DPYD: variants seen among roughly 807,000 people sequenced by gnomAD.
DPYD encodes the protein dihydropyrimidine dehydrogenase [NADP(+)].
Under a neutral mutation model 116.2 loss-of-function variants are expected in DPYD, and 109 were observed. The observed-to-expected ratio is 0.94, with a 90% CI of 0.80 to 1.10. DPYD has a LOEUF of 1.10. Ranked by LOEUF, DPYD falls within the 50% of genes least tolerant of loss-of-function variation. The pLI, the probability that DPYD is intolerant of heterozygous loss-of-function variation, is 0.00. For missense variants in DPYD, 1,302 were observed against 1,254.5 expected (o/e 1.04, Z -0.57); for synonymous variants, 440 against 432.0 (o/e 1.02, Z -0.23).
chr1:97,559,395 A>T (rs1651975658), intron 11 of DPYD, among the ~76,000 whole-genome samples: 1 of 152,150 alleles, frequency 6.6e-6, no homozygotes, highest in Admixed American at 6.5e-5. Context: ...ATCAAATGGA[A>T]AAGATTCCCT....
At chr1:97,609,694 A>G (rs1320093575) in intron 8 of DPYD, among the ~76,000 whole-genome samples, 1 of 152,022 alleles carries the variant, frequency 6.6e-6, no homozygotes, top group Non-Finnish European at 1.5e-5. Flanking sequence ...ATTTCATAAA[A>G]TATACTTTAG....
intron 19 of DPYD, among the ~76,000 whole-genome samples, chr1:97,233,730 A>G (rs1661727506): frequency 6.6e-6 from 1 of 152,026 alleles, no homozygotes; most frequent in African/African-American, 2.4e-5. Flanking sequence ...AATCGCAGGA[A>G]ACTCACCACT....
intron 13 of DPYD, among the ~76,000 whole-genome samples, chr1:97,505,567 G>C (rs1029558307): frequency 7.2e-5 from 11 of 151,850 alleles, no homozygotes; most frequent in Middle Eastern, 3.4e-3. Context: ...TTTAGTCTAA[G>C]AATTCCTGTG....
chr1:97,549,757 G>A lies in DPYD; in HGVS notation c.1340-13C>T, dbSNP rs1332570508. Reference sequence around the variant, plus strand: ...AAGGCTTCTTTTACTGAAAAAACAAGTGAAAAACAATAGACAATCACTAGT... The same window carrying A: ...AAGGCTTCTTTTACTGAAAAAACAAATGAAAAACAATAGACAATCACTAGT... On this transcript the variant is annotated splice_polypyrimidine_tract_variant and intron_variant, in intron 11 of 22. Coordinates refer to ENST00000370192, the MANE Select transcript of DPYD (RefSeq NM_000110.4). The A allele has an allele frequency of 1.2e-5, 20 of 1,610,886 alleles. No individual in the cohort carries two copies. The highest frequency in any genetic ancestry group is 1.5e-5 in the Non-Finnish European group (18 of 1,177,970).
In DPYD at chr1:97,671,203, TAATC is replaced by T. The variant is rs199796034; in HGVS notation, c.850+7888_850+7891del. Among the ~76,000 whole-genome samples the T allele has an allele frequency of 6.3e-3, 962 of 152,130 alleles. 10 individuals are homozygous for T. Among genetic ancestry groups the T allele is most frequent in the African/African-American group, 0.022 (908 of 41,508 alleles). On this transcript the variant is annotated intron_variant, in intron 8 of 22. Transcript: ENST00000370192. Reference sequence around the variant, plus strand: ...AATAGGGTTAATTAGAGTTAATAATTAATCAATACTTCAACAGATATTTATTGAT... The same window carrying T: ...AATAGGGTTAATTAGAGTTAATAATTAATACTTCAACAGATATTTATTGAT...
intron 18 of DPYD, among the ~76,000 whole-genome samples, chr1:97,266,134 C>T (rs1664212324): frequency 6.6e-6 from 1 of 152,090 alleles, no homozygotes; most frequent in Admixed American, 6.5e-5. Context: ...ATAATTAGCT[C>T]ATAATATTTT....
chr1:97,753,958 A>G (rs1280043004), intron 3 of DPYD, among the ~76,000 whole-genome samples: 1 of 152,192 alleles, frequency 6.6e-6, no homozygotes, highest in Non-Finnish European at 1.5e-5. Flanking sequence ...AATTGTCCCC[A>G]TTAAAACTAT....
intron 20 of DPYD, among the ~76,000 whole-genome samples, chr1:97,163,861 C>A (rs934931476): frequency 5.3e-5 from 8 of 152,108 alleles, no homozygotes; most frequent in African/African-American, 1.9e-4. Flanking sequence ...AACCACAGCA[C>A]CCTCTTTTAG....
chr1:97,649,796 C>T (rs533860005), intron 8 of DPYD, among the ~76,000 whole-genome samples: 5 of 152,060 alleles, frequency 3.3e-5, no homozygotes, highest in East Asian at 1.9e-4. Context: ...TAAGCCATGA[C>T]CATTCCTGGA....
intron 13 of DPYD, among the ~76,000 whole-genome samples, chr1:97,468,450 C>A (rs1399654619): frequency 6.6e-6 from 1 of 152,088 alleles, no homozygotes; most frequent in Non-Finnish European, 1.5e-5. Flanking sequence ...CTTGTCCTTT[C>A]CATCATGTGA....
chr1:97,102,894 A>G (rs1650851429), intron 20 of DPYD, among the ~76,000 whole-genome samples: 1 of 152,048 alleles, frequency 6.6e-6, no homozygotes. Context: ...TTTGAACTCA[A>G]TAAAATGACC....
At chr1:97,256,384 AC>A (rs1663467130) in intron 18 of DPYD, among the ~76,000 whole-genome samples, 1 of 151,826 alleles carries the variant, frequency 6.6e-6, no homozygotes, top group Non-Finnish European at 1.5e-5. Flanking sequence ...TGTAGCTTCC[AC>A]AATTCCCATG....
chr1:97,781,991 G>T (rs780836486), intron 3 of DPYD, among the ~76,000 whole-genome samples: 1 of 152,144 alleles, frequency 6.6e-6, no homozygotes, highest in South Asian at 2.1e-4. Flanking sequence ...TCACTTTAGC[G>T]TCAGGCCTGT....
intron 16 of DPYD, among the ~76,000 whole-genome samples, chr1:97,363,012 G>A (rs56103838): frequency 0.055 from 8,326 of 152,028 alleles, 326 homozygotes; most frequent in East Asian, 0.17. Context: ...CAGAGTGAAC[G>A]GACAACCTAC....
chr1:97,760,510 A>T (rs1012900190), intron 3 of DPYD, among the ~76,000 whole-genome samples: 1 of 152,188 alleles, frequency 6.6e-6, no homozygotes, highest in Non-Finnish European at 1.5e-5. Flanking sequence ...TTTTAGGTAT[A>T]TGAGTAATCT....
chr1:97,359,043 G>A (rs959818974), intron 16 of DPYD, among the ~76,000 whole-genome samples: 28 of 152,182 alleles, frequency 1.8e-4, no homozygotes, highest in Non-Finnish European at 3.2e-4. Context: ...CGAACCCATC[G>A]CAAGGAAGCT....
rs7533929 is a variant in DPYD, at chr1:97,559,686, A to C, written c.1340-9942T>G. On this transcript the variant is annotated intron_variant, in intron 11 of 22. Transcript: ENST00000370192. ...ATCGTCAGTAGGCACACTTCAATGC[A>C]AACTTAAAACACACAGTAGAATTTT... 4.9e-3 allele frequency among the ~76,000 whole-genome samples: 741 copies of C among 152,154 alleles called. 9 individuals carry two copies. Among genetic ancestry groups the C allele is most frequent in the African/African-American group, 0.017 (697 of 41,510 alleles).
At chr1:97,376,195 T>C (rs1173084200) in intron 15 of DPYD, among the ~76,000 whole-genome samples, 4 of 152,204 alleles carry the variant, frequency 2.6e-5, no homozygotes, top group Non-Finnish European at 5.9e-5. Flanking sequence ...AGTAGGGTCT[T>C]GAACTCAAGC....
intron 14 of DPYD, among the ~76,000 whole-genome samples, chr1:97,420,643 G>A (rs1476693631): frequency 1.3e-5 from 2 of 152,044 alleles, no homozygotes; most frequent in Non-Finnish European, 2.9e-5. Flanking sequence ...GCGGTCTAGG[G>A]ATCTCTTTCC....
Sources: gnomAD v4.1 joint callset for allele counts (sites outside exome capture counted in the v4.1 genomes callset) on GRCh38, gnomAD v4.1.1 for gene constraint, MANE v1.5 for transcripts, NCBI Gene and HGNC (gene_info 2026-07-23, HGNC 2026-07-21) for gene names.